THRB: variants seen among roughly 807,000 people sequenced by gnomAD.
THRB encodes the protein thyroid hormone receptor beta.
A neutral mutation model predicts 47.8 loss-of-function variants in THRB; 12 were observed. That is an observed-to-expected ratio of 0.25 (90% confidence interval 0.16 to 0.41). The LOEUF (loss-of-function observed/expected upper bound fraction) is 0.41, where lower values mean the gene tolerates loss of function less well. Ranked by LOEUF, THRB falls within the 10% of genes least tolerant of loss-of-function variation. The pLI, the probability that THRB is intolerant of heterozygous loss-of-function variation, is 1.00. For missense variants in THRB, 348 were observed against 589.2 expected, an observed-to-expected ratio of 0.59 and a Z score of 4.24; for synonymous variants, 218 against 212.2, an observed-to-expected ratio of 1.03 and a Z score of -0.24.
intron 1 of THRB, among the ~76,000 whole-genome samples, chr3:24,362,271 T>A (rs115896842): frequency 0.011 from 1,741 of 152,134 alleles, 18 homozygotes; most frequent in Non-Finnish European, 0.017. Flanking sequence ...CCCTACTCAT[T>A]ATCTCTCTGA....
chr3:24,254,257 T>C lies in THRB; in HGVS notation c.-42-25256A>G, dbSNP rs528586647. Among the ~76,000 whole-genome samples the C allele has an allele frequency of 9.7e-5, 12 of 124,124 alleles. No individual in the cohort carries two copies. In the East Asian group the frequency reaches 1.2e-3, roughly 13 times the overall value. 81.4% of individuals were successfully genotyped at this position (124,124 alleles called of 152,430 possible). A position where few individuals can be genotyped will look rare whatever the true frequency, so the allele number is the denominator to read the frequency against. Reference sequence around the variant, plus strand: ...AAAAAAAAAAAAAATTAGCTGGGCATGGTGGCGGATGTCTGTAGTCCCAGC... The same window carrying C: ...AAAAAAAAAAAAAATTAGCTGGGCACGGTGGCGGATGTCTGTAGTCCCAGC... On this transcript the variant is annotated intron_variant, in intron 3 of 10. Transcript: ENST00000646209.
At chr3:24,415,933 T>C (rs2068698279) in intron 1 of THRB, among the ~76,000 whole-genome samples, 1 of 151,844 alleles carries the variant, frequency 6.6e-6, no homozygotes, top group Non-Finnish European at 1.5e-5. Flanking sequence ...GCTTAATGAC[T>C]TTAGTTTCTG....
intron 5 of THRB, among the ~76,000 whole-genome samples, chr3:24,178,398 G>A (rs952814638): frequency 2.0e-5 from 3 of 152,040 alleles, no homozygotes; most frequent in Non-Finnish European, 4.4e-5. Flanking sequence ...GGCCAAGGTG[G>A]GTAAATCACT....
At chr3:24,446,270 C>T (rs1372833717) in intron 1 of THRB, among the ~76,000 whole-genome samples, 1 of 152,056 alleles carries the variant, frequency 6.6e-6, no homozygotes, top group Non-Finnish European at 1.5e-5. Flanking sequence ...AGTGGCTCAT[C>T]AGCCACCTTG....
intron 1 of THRB, among the ~76,000 whole-genome samples, chr3:24,358,324 C>G (rs1454050153): frequency 6.6e-6 from 1 of 151,956 alleles, no homozygotes; most frequent in Non-Finnish European, 1.5e-5. Context: ...TATTTTGTAG[C>G]TTTTGGGTTT....
chr3:24,250,478 C>G (rs1320344103), intron 3 of THRB, among the ~76,000 whole-genome samples: 2 of 152,158 alleles, frequency 1.3e-5, no homozygotes, highest in Admixed American at 6.6e-5. Flanking sequence ...AGGAGGATTG[C>G]TTGAGGCCAA....
intron 5 of THRB, among the ~76,000 whole-genome samples, chr3:24,180,632 C>T (rs1018014824): frequency 2.0e-5 from 3 of 152,114 alleles, no homozygotes; most frequent in East Asian, 1.9e-4. Context: ...TTCTGGGACC[C>T]GGGCAGTGTG....
chr3:24,130,154 C>A (rs2033615175), intron 9 of THRB, among the ~76,000 whole-genome samples: 1 of 152,126 alleles, frequency 6.6e-6, no homozygotes. Flanking sequence ...AAAGGTGCTC[C>A]CACCATCCCG....
intron 3 of THRB, among the ~76,000 whole-genome samples, chr3:24,261,497 C>CAAAAAAAAAA (rs35109952): frequency 1.1e-5 from 1 of 88,250 alleles, no homozygotes; most frequent in Non-Finnish European, 2.2e-5. Context: ...GATTCTGTCT[C>CAAAAAAAAAA]AAAAAAAAAA....
intron 1 of THRB, among the ~76,000 whole-genome samples, chr3:24,488,365 A>G (rs903763061): frequency 6.6e-6 from 1 of 152,206 alleles, no homozygotes; most frequent in African/African-American, 2.4e-5. Flanking sequence ...TAGAACACAG[A>G]GACATGTATG....
chr3:24,358,414 T>C (rs993006969), intron 1 of THRB, among the ~76,000 whole-genome samples: 4 of 152,182 alleles, frequency 2.6e-5, no homozygotes, highest in African/African-American at 9.6e-5. Context: ...TTTGTTTTTA[T>C]GTTGGAGTCT....
chr3:24,252,363 C>G (rs919810832), intron 3 of THRB, among the ~76,000 whole-genome samples: 1 of 151,962 alleles, frequency 6.6e-6, no homozygotes, highest in Non-Finnish European at 1.5e-5. Context: ...ATAATAAAAA[C>G]TGGCTTATTT....
At chr3:24,274,543 G>A (rs1235244462) in intron 3 of THRB, among the ~76,000 whole-genome samples, 1 of 152,078 alleles carries the variant, frequency 6.6e-6, no homozygotes, top group Non-Finnish European at 1.5e-5. Context: ...AACAATTTTG[G>A]TGACTTTCAC....
At chr3:24,481,243 T>TG (rs1160348407) in intron 1 of THRB, among the ~76,000 whole-genome samples, 22 of 143,774 alleles carry the variant, frequency 1.5e-4, no homozygotes, top group African/African-American at 5.6e-4. Context: ...TTTTTTTTTT[T>TG]TTTTTTTTTT....
At chr3:24,128,818 T>A (rs1483544682) in intron 9 of THRB, among the ~76,000 whole-genome samples, 5 of 145,892 alleles carry the variant, frequency 3.4e-5, no homozygotes, top group African/African-American at 9.8e-5. Context: ...GATTTGAAAC[T>A]GGATCTGTCA....
At chr3:24,138,660 T>C (rs2035020499) in intron 8 of THRB, among the ~76,000 whole-genome samples, 1 of 152,180 alleles carries the variant, frequency 6.6e-6, no homozygotes, top group Non-Finnish European at 1.5e-5. Context: ...GTTATTCTAA[T>C]AACTTGGGGT....
At chr3:24,470,483 C>T (rs570889349) in intron 1 of THRB, among the ~76,000 whole-genome samples, 31 of 152,262 alleles carry the variant, frequency 2.0e-4, no homozygotes, top group Admixed American at 3.9e-4. Context: ...AAGGCTGTTA[C>T]GAGGATTAAA....
intron 1 of THRB, among the ~76,000 whole-genome samples, chr3:24,388,482 A>C (rs2149936748): frequency 6.6e-6 from 1 of 152,254 alleles, no homozygotes; most frequent in East Asian, 1.9e-4. Context: ...ACACATCATA[A>C]CCCAAAGGTT....
intron 1 of THRB, among the ~76,000 whole-genome samples, chr3:24,409,175 A>C (rs547513263): frequency 6.6e-6 from 1 of 151,946 alleles, no homozygotes; most frequent in East Asian, 2.0e-4. Flanking sequence ...ATGACTCAAA[A>C]CATGAACCAA....
Sources: gnomAD v4.1 joint callset for allele counts (sites outside exome capture counted in the v4.1 genomes callset) on GRCh38, gnomAD v4.1.1 for gene constraint, MANE v1.5 for transcripts, NCBI Gene and HGNC (gene_info 2026-07-23, HGNC 2026-07-21) for gene names.